The following CLDN14 variants were observed in gnomAD, a reference collection of about 807,000 sequenced individuals.
CLDN14 encodes claudin 14.
CLDN14 carries 2 observed loss-of-function variants against 2.1 expected under a neutral mutation model. That is an observed-to-expected ratio of 0.96 (90% CI 0.39 to 3.01). The LOEUF (loss-of-function observed/expected upper bound fraction) is 3.01. Among genes scored for constraint, CLDN14 ranks in the 30% most tolerant of loss-of-function variants. The pLI, the probability that CLDN14 is intolerant of heterozygous loss-of-function variation, is 0.09. For synonymous variants in CLDN14, 136 were observed against 154.4 expected (o/e 0.88, Z 0.88); for missense variants, 298 against 328.0 (o/e 0.91, Z 0.71).
chr21:36,505,192 C>T (rs1218188018), intron 2 of CLDN14, among the ~76,000 whole-genome samples: 1 of 151,412 alleles, frequency 6.6e-6, no homozygotes, highest in Non-Finnish European at 1.5e-5. Flanking sequence ...AACAGGTTTA[C>T]GTCTGCTAAA....
rs999790889 is a variant in CLDN14, at chr21:36,559,311, C to T, written c.-220+17100G>A. Among the ~76,000 whole-genome samples the T allele has an allele frequency of 2.5e-4, 38 of 152,214 alleles. 1 individual carries two copies. The highest frequency in any genetic ancestry group is 8.7e-4 in the African/African-American group (36 of 41,442). The stretch of plus-strand genomic sequence containing the variant: ...TCCTGGGTTCAAGTGATTCTCCTGC[C>T]TCAGCCTCCCAGGTAGCTGGGATTA... On this transcript the variant is annotated intron_variant, in intron 1 of 2. Coordinates refer to the CLDN14 transcript ENST00000342108.
At chr21:36,507,486 G>A (rs575617501) in intron 2 of CLDN14, among the ~76,000 whole-genome samples, 1 of 152,140 alleles carries the variant, frequency 6.6e-6, no homozygotes, top group African/African-American at 2.4e-5. Context: ...AAGGTTGACC[G>A]GACGTGGTGG....
rs779937857 is a variant in CLDN14, at chr21:36,461,622, G to A, written c.74C>T (p.Thr25Ile). The A allele has an allele frequency of 6.3e-7, 1 of 1,595,966 alleles. No individual in the cohort carries two copies. Among genetic ancestry groups the A allele is most frequent in the Non-Finnish European group, 8.5e-7 (1 of 1,171,950 alleles). ...TGTCCTCCGCCAGTGCGGCAGGATG[G>A]TGGTGATCAACGTGCCCACCATGCC... ...FLGMVGTLITTILPHWRRTAH... is the reference protein window; with the variant it reads ...FLGMVGTLITIILPHWRRTAH... The change falls in exon 2 of 2, where the codon ACC (threonine) becomes ATC (isoleucine). Residue 25 changes from threonine (T) to isoleucine (I), a missense_variant. Physicochemically the swap from Thr to Ile is moderately conservative, Grantham distance 89 (BLOSUM62 -1). Coordinates refer to ENST00000399135, the MANE Select transcript of CLDN14 (RefSeq NM_001146079.2).
chr21:36,537,605 C>CATTTACA (rs151277414), intron 1 of CLDN14, among the ~76,000 whole-genome samples: 70,403 of 148,958 alleles, frequency 0.47, 18,778 homozygotes, highest in Middle Eastern at 0.61. Context: ...GTATCATGAT[C>CATTTACA]ATTTACAATT....
chr21:36,494,582 A>G (rs2086997905), intron 2 of CLDN14, among the ~76,000 whole-genome samples: 1 of 152,204 alleles, frequency 6.6e-6, no homozygotes, highest in Admixed American at 6.5e-5. Context: ...TGGAGTGTAC[A>G]AAGAGGCGAT....
intron 1 of CLDN14, among the ~76,000 whole-genome samples, chr21:36,463,572 C>T (rs540625407): frequency 5.0e-4 from 76 of 152,146 alleles, no homozygotes; most frequent in African/African-American, 1.6e-3. Context: ...ATTAGCTGAT[C>T]GATGGTTGTG....
intron 2 of CLDN14, among the ~76,000 whole-genome samples, chr21:36,488,249 C>CCTTCCTTCCTTCCTTCCTTCCTT (rs1568854868): frequency 2.7e-5 from 4 of 148,586 alleles, no homozygotes; most frequent in Non-Finnish European, 4.5e-5. Flanking sequence ...TTCCTTCCTT[C>CCTTCCTTCCTTCCTTCCTTCCTT]CTTCCTTCCT....
intron 1 of CLDN14, among the ~76,000 whole-genome samples, chr21:36,523,272 C>G (rs1568868609): frequency 6.6e-6 from 1 of 152,204 alleles, no homozygotes; most frequent in Admixed American, 6.5e-5. Flanking sequence ...GATCCATCTC[C>G]TCTTGAAACT....
upstream of CLDN14, among the ~76,000 whole-genome samples, chr21:36,482,451 T>TGG (rs2086858647): frequency 4.7e-5 from 7 of 150,448 alleles, no homozygotes; most frequent in African/African-American, 9.9e-5. Flanking sequence ...GATGGATGGA[T>TGG]AGATGGATGG....
intron 1 of CLDN14, among the ~76,000 whole-genome samples, chr21:36,462,057 T>C (rs1471667897): frequency 2.0e-5 from 3 of 152,214 alleles, no homozygotes; most frequent in Non-Finnish European, 2.9e-5. Flanking sequence ...GCACTGCTGC[T>C]GCATTGGCAT....
chr21:36,545,824 G>A (rs899894466), intron 1 of CLDN14, among the ~76,000 whole-genome samples: 8 of 152,102 alleles, frequency 5.3e-5, no homozygotes, highest in Non-Finnish European at 1.0e-4. Flanking sequence ...GAATTTCAGA[G>A]TCTTCAAGGC....
intron 1 of CLDN14, among the ~76,000 whole-genome samples, chr21:36,572,446 C>T (rs1167413185): frequency 2.0e-5 from 3 of 152,132 alleles, no homozygotes; most frequent in East Asian, 1.9e-4. Flanking sequence ...ACCCTCCACC[C>T]AGGTCTGCAT....
chr21:36,574,696 TTA>T (rs1365904849), intron 1 of CLDN14, among the ~76,000 whole-genome samples: 3 of 152,226 alleles, frequency 2.0e-5, no homozygotes, highest in African/African-American at 7.2e-5. Flanking sequence ...TGTATTTTAT[TTA>T]TGTTACTTAT....
upstream of CLDN14, among the ~76,000 whole-genome samples, chr21:36,485,085 C>T (rs1282387778): frequency 1.3e-5 from 2 of 151,610 alleles, no homozygotes; most frequent in East Asian, 1.9e-4. Flanking sequence ...AATAAGGTCA[C>T]ATTCACAGGC....
At chr21:36,514,044 A>C (rs776430595) in intron 1 of CLDN14, among the ~76,000 whole-genome samples, 14 of 151,762 alleles carry the variant, frequency 9.2e-5, no homozygotes, top group Non-Finnish European at 1.9e-4. Context: ...TTTTGTAGAG[A>C]CAGGGTTTCT....
chr21:36,563,980 G>A (rs964574125), intron 1 of CLDN14, among the ~76,000 whole-genome samples: 1 of 152,168 alleles, frequency 6.6e-6, no homozygotes, highest in Non-Finnish European at 1.5e-5. Flanking sequence ...TCCCTAATGG[G>A]AAAGTGTATT....
At chr21:36,510,736 G>T (rs1285736434) in intron 1 of CLDN14, among the ~76,000 whole-genome samples, 1 of 152,242 alleles carries the variant, frequency 6.6e-6, no homozygotes, top group East Asian at 1.9e-4. Context: ...CCAAGTTGCT[G>T]TGAAGGTTTC....
At chr21:36,478,788 C>G (rs2086808198) in intron 1 of CLDN14, among the ~76,000 whole-genome samples, 1 of 152,234 alleles carries the variant, frequency 6.6e-6, no homozygotes, top group African/African-American at 2.4e-5. Flanking sequence ...GGGACGGTCT[C>G]AGGACACTAA....
chr21:36,489,131 A>AAAAATATATATAT, intron 2 of CLDN14, among the ~76,000 whole-genome samples: 1 of 62,750 alleles, frequency 1.6e-5, no homozygotes, highest in Non-Finnish European at 3.0e-5. Flanking sequence ...AAAAAAAAAA[A>AAAAATATATATAT]ATATATATAT....
Sources: allele counts gnomAD v4.1 joint callset (sites outside exome capture counted in the v4.1 genomes callset), GRCh38; gene constraint gnomAD v4.1.1; transcripts MANE v1.5; gene names NCBI Gene and HGNC (gene_info 2026-07-23, HGNC 2026-07-21).